Variants in SPATS2L observed in about 807,000 individuals in gnomAD.
SPATS2L encodes the protein SPATS2-like protein.
In SPATS2L, 30 loss-of-function variants were observed where a neutral mutation model predicts 59.6. The ratio of observed to expected loss-of-function variants is 0.50; its 90% CI spans 0.38 to 0.68. The LOEUF is 0.68. SPATS2L is among the 30% of genes least tolerant of loss of function. SPATS2L has a pLI of 0.00. For synonymous variants in SPATS2L, 252 were observed against 263.5 expected (o/e 0.96, Z 0.42); for missense variants, 615 against 700.0 (o/e 0.88, Z 1.37).
intron 2 of SPATS2L, among the ~76,000 whole-genome samples, chr2:200,350,171 C>T (rs910336436): frequency 6.6e-6 from 1 of 152,100 alleles, no homozygotes; most frequent in East Asian, 1.9e-4. Flanking sequence ...GGTCTGTTCC[C>T]CCTCTCAGCC....
At chr2:200,312,221 C>T (rs296818) in intron 1 of SPATS2L, among the ~76,000 whole-genome samples, 70,169 of 152,042 alleles carry the variant, frequency 0.46, 16,827 homozygotes, top group African/African-American at 0.59. Flanking sequence ...GAAAGGCCTC[C>T]TGCATTATGG....
chr2:200,452,719 C>T (rs1391161133), intron 8 of SPATS2L, among the ~76,000 whole-genome samples: 1 of 152,098 alleles, frequency 6.6e-6, no homozygotes. Context: ...GCTTGAGGCA[C>T]CCCCACTCTA....
intron 2 of SPATS2L, among the ~76,000 whole-genome samples, chr2:200,344,576 A>T (rs1002378610): frequency 6.6e-6 from 1 of 152,040 alleles, no homozygotes; most frequent in Non-Finnish European, 1.5e-5. Context: ...TACTCCTTTG[A>T]GTATATATCC....
At chr2:200,309,095 G>A (rs2079116371) in intron 1 of SPATS2L, 6 of 717,950 alleles carry the variant, frequency 8.4e-6, no homozygotes, top group East Asian at 2.7e-5. Flanking sequence ...TGCCATGTAA[G>A]TGGTAAGCTT....
At chr2:200,475,341 T>G (rs2087432930) in intron 12 of SPATS2L, among the ~76,000 whole-genome samples, 1 of 152,092 alleles carries the variant, frequency 6.6e-6, no homozygotes, top group South Asian at 2.1e-4. Context: ...CCCAAGGTGG[T>G]GGGGCACAGC....
At chr2:200,468,899 C>T (rs1384044805) in intron 10 of SPATS2L, among the ~76,000 whole-genome samples, 1 of 152,174 alleles carries the variant, frequency 6.6e-6, no homozygotes, top group Admixed American at 6.5e-5. Flanking sequence ...TTGAAATCAC[C>T]TCATCTTCCG....
rs927065328 is a variant in SPATS2L at position 200,419,197 on chromosome 2, A to G, written c.199-53A>G. On this transcript the variant is annotated intron_variant, in intron 5 of 12. Coordinates refer to ENST00000409140, the MANE Select transcript of SPATS2L (RefSeq NM_001100423.2). ...TATTTTCATCTCTCAGATTCACCTT[A>G]TATTTCAAGAGTCTGAGTTGAATAT... The G allele has an allele frequency of 8.7e-6, 13 of 1,490,468 alleles. No homozygotes were observed. In the South Asian group the frequency reaches 9.2e-5, roughly 11 times the overall value. The allele number at this position is 1,490,468 out of a possible 1,614,324, so 92.3% of individuals were successfully genotyped here.
At chr2:200,322,427 T>TA (rs767588370) in intron 1 of SPATS2L, among the ~76,000 whole-genome samples, 34 of 152,272 alleles carry the variant, frequency 2.2e-4, no homozygotes, top group Non-Finnish European at 4.7e-4. Flanking sequence ...GGGTTGAATG[T>TA]AAAAAAATAC....
intron 2 of SPATS2L, among the ~76,000 whole-genome samples, chr2:200,337,315 G>C (rs1485540098): frequency 6.6e-6 from 1 of 152,090 alleles, no homozygotes; most frequent in East Asian, 1.9e-4. Flanking sequence ...TCTAAGCTTT[G>C]GTATTTGGAA....
At chr2:200,373,770 A>G (rs925701049) in intron 2 of SPATS2L, among the ~76,000 whole-genome samples, 5 of 152,180 alleles carry the variant, frequency 3.3e-5, no homozygotes, top group South Asian at 4.1e-4. Flanking sequence ...AGATTAAAGC[A>G]TATATTTTTA....
chr2:200,355,764 A>G (rs1474573647), intron 2 of SPATS2L, among the ~76,000 whole-genome samples: 1 of 152,276 alleles, frequency 6.6e-6, no homozygotes, highest in Admixed American at 6.5e-5. Context: ...GCAGGTAATT[A>G]GAAGACAGAA....
chr2:200,306,293 G>T (rs368941385), upstream of SPATS2L: 1 of 1,002,242 alleles, frequency 1.0e-6, no homozygotes, highest in Non-Finnish European at 1.2e-6. Flanking sequence ...ATTTTCTCGG[G>T]TAGGAGAAGA....
At chr2:200,346,850 T>G (rs1489028907) in intron 2 of SPATS2L, among the ~76,000 whole-genome samples, 1 of 151,932 alleles carries the variant, frequency 6.6e-6, no homozygotes, top group African/African-American at 2.4e-5. Context: ...GCTTGATTTT[T>G]CTCTATAAGA....
chr2:200,474,605 T>C (rs2087361946), intron 12 of SPATS2L, among the ~76,000 whole-genome samples: 1 of 152,202 alleles, frequency 6.6e-6, no homozygotes, highest in Non-Finnish European at 1.5e-5. Context: ...GCCTGGCCTC[T>C]CTGTTCATTA....
chr2:200,396,425 G>C (rs2082355992), intron 3 of SPATS2L, among the ~76,000 whole-genome samples: 1 of 152,268 alleles, frequency 6.6e-6, no homozygotes, highest in East Asian at 1.9e-4. Flanking sequence ...GATGGAGATA[G>C]AAGGTGTTCA....
intron 12 of SPATS2L, 112 bp from the exon 13 acceptor site, chr2:200,477,515 TAAAAAAAAA>T (rs59073895): frequency 3.8e-3 from 1,152 of 301,546 alleles, no homozygotes; most frequent in Middle Eastern, 7.1e-3. Flanking sequence ...TTCTGGTGTA[TAAAAAAAAA>T]AAAAAAAAAA....
At chr2:200,470,608 G>A (rs2086952865) in intron 11 of SPATS2L, among the ~76,000 whole-genome samples, 2 of 152,186 alleles carry the variant, frequency 1.3e-5, no homozygotes, top group South Asian at 4.1e-4. Context: ...ACCCACAAGG[G>A]GAGGTGGGAA....
chr2:200,453,760 C>G (rs2085634427), intron 8 of SPATS2L, among the ~76,000 whole-genome samples: 1 of 152,124 alleles, frequency 6.6e-6, no homozygotes, highest in Non-Finnish European at 1.5e-5. Flanking sequence ...AGCGGCAGAG[C>G]CCACAGTGGA....
intron 2 of SPATS2L, among the ~76,000 whole-genome samples, chr2:200,380,618 C>T (rs888308945): frequency 2.0e-5 from 3 of 152,192 alleles, no homozygotes; most frequent in Admixed American, 1.3e-4. Context: ...TTCTTCCCCC[C>T]ACAAAGAACT....
Sources: allele counts gnomAD v4.1 joint callset (sites outside exome capture counted in the v4.1 genomes callset), GRCh38; gene constraint gnomAD v4.1.1; transcripts MANE v1.5; gene names NCBI Gene and HGNC (gene_info 2026-07-23, HGNC 2026-07-21).